Variants in TNS3 observed in about 807,000 individuals in gnomAD.
TNS3 encodes the protein tensin 3, also known as tensin-3.
Under a neutral mutation model 140.9 loss-of-function variants are expected in TNS3, and 45 were observed. That is an observed-to-expected ratio of 0.32 (90% CI 0.25 to 0.41). The LOEUF (loss-of-function observed/expected upper bound fraction) is 0.41, where lower values mean the gene tolerates loss of function less well. TNS3 is among the 10% of genes least tolerant of loss of function. The pLI is 1.00. For synonymous variants in TNS3, 815 were observed against 788.4 expected, an observed-to-expected ratio of 1.03 and a Z score of -0.56; for missense variants, 1,716 against 1,906.7, an observed-to-expected ratio of 0.90 and a Z score of 1.86.
chr7:47,548,108 C>T (rs780292189), intron 1 of TNS3, among the ~76,000 whole-genome samples: 2 of 152,186 alleles, frequency 1.3e-5, no homozygotes, highest in African/African-American at 2.4e-5. Context: ...CCATGTTGGT[C>T]AGGCTGGCCT....
intron 1 of TNS3, among the ~76,000 whole-genome samples, chr7:47,541,568 C>CT (rs1260305261): frequency 6.6e-6 from 1 of 152,116 alleles, no homozygotes; most frequent in African/African-American, 2.4e-5. Flanking sequence ...CTGTAAACAA[C>CT]TTGGAGATCA....
At chr7:47,519,242 C>G (rs1050694777) in intron 2 of TNS3, among the ~76,000 whole-genome samples, 2 of 137,232 alleles carry the variant, frequency 1.5e-5, no homozygotes, top group African/African-American at 5.3e-5. Context: ...ACCTGCCCCC[C>G]ATTTAAGATA....
intron 7 of TNS3, among the ~76,000 whole-genome samples, chr7:47,436,775 C>T (rs1795202842): frequency 6.6e-6 from 1 of 152,026 alleles, no homozygotes; most frequent in Non-Finnish European, 1.5e-5. Flanking sequence ...TTATTCTATA[C>T]ATATATTTGT....
intron 1 of TNS3, among the ~76,000 whole-genome samples, chr7:47,539,942 A>T (rs1799737434): frequency 6.6e-6 from 1 of 152,120 alleles, no homozygotes; most frequent in African/African-American, 2.4e-5. Flanking sequence ...GGGTCTGGGG[A>T]TGCGAAGGGA....
chr7:47,517,255 G>C (rs1798808313), intron 2 of TNS3, among the ~76,000 whole-genome samples: 1 of 152,098 alleles, frequency 6.6e-6, no homozygotes, highest in Non-Finnish European at 1.5e-5. Flanking sequence ...TGTTTTCCTG[G>C]ATGGTCTCCA....
intron 17 of TNS3, among the ~76,000 whole-genome samples, chr7:47,349,788 G>A (rs1789558826): frequency 6.6e-6 from 1 of 152,214 alleles, no homozygotes. Flanking sequence ...TACGTGCTAG[G>A]ATGCACCCAC....
intron 8 of TNS3, among the ~76,000 whole-genome samples, chr7:47,430,924 T>A (rs2151511310): frequency 6.6e-6 from 1 of 152,098 alleles, no homozygotes; most frequent in Non-Finnish European, 1.5e-5. Flanking sequence ...AGTTTTGCCA[T>A]GTTGGCCAGG....
chr7:47,368,718 A>C lies in TNS3; in HGVS notation c.1928T>G (p.Val643Gly). Residue 643 changes from valine (V) to glycine (G), a missense_variant, in exon 17 of 31, where the codon GTC becomes GGC. By Grantham distance (109) the Val-to-Gly change is moderately radical. Around this residue, in one of 3 missense-constraint regions of TNS3, gnomAD observed 1,163 missense variants for 1,182.1 expected, o/e 0.98. Transcript: ENST00000311160. ...TGGCCCACTGCCTACACCCCTCTGG[A>C]CAGCCACCCTACTGCTGGTCCCTCG... ...PTRGTSSRVAVQRGVGSGPHP... is the reference protein window; with the variant it reads ...PTRGTSSRVAGQRGVGSGPHP... 6.3e-7 allele frequency: 1 copy of C among 1,578,428 alleles called. No individual in the cohort carries two copies. The highest frequency in any genetic ancestry group is 8.6e-7 in the Non-Finnish European group (1 of 1,161,814).
chr7:47,381,427 C>T (rs962326931), intron 16 of TNS3, among the ~76,000 whole-genome samples: 5 of 152,196 alleles, frequency 3.3e-5, no homozygotes, highest in Non-Finnish European at 7.3e-5. Flanking sequence ...CGTAGGTGGG[C>T]TTCAGACAGT....
intron 4 of TNS3, among the ~76,000 whole-genome samples, chr7:47,462,692 G>T (rs917922202): frequency 6.6e-6 from 1 of 152,126 alleles, no homozygotes; most frequent in African/African-American, 2.4e-5. Context: ...TGCAGCAAGG[G>T]GAGTGCTAGG....
intron 8 of TNS3, 49 bp downstream of exon 8, chr7:47,435,233 A>G (rs368270926): frequency 8.1e-6 from 13 of 1,607,888 alleles, no homozygotes; most frequent in African/African-American, 1.3e-5. Context: ...CTCAACTCCA[A>G]AGGCTGAAGC....
intron 16 of TNS3, among the ~76,000 whole-genome samples, chr7:47,378,873 T>C (rs925268386): frequency 6.6e-6 from 1 of 152,212 alleles, no homozygotes; most frequent in Non-Finnish European, 1.5e-5. Context: ...AACTGACACA[T>C]GAGCCATGGC....
Position 47,278,049 on chromosome 7 carries a change from G to C in TNS3, c.*27C>G. The C allele has an allele frequency of 6.2e-7, 1 of 1,613,870 alleles. No homozygotes were observed. The highest frequency in any genetic ancestry group is 8.5e-7 in the Non-Finnish European group (1 of 1,179,864). ...TGTCTCCAGGGCTTCGAGAGGCATC[G>C]GTGGGTCCAGGGAGGGAGGGGAGTT... On this transcript the variant is annotated 3_prime_UTR_variant, in exon 31 of 31. Coordinates refer to ENST00000311160, the MANE Select transcript of TNS3 (RefSeq NM_022748.12).
At chr7:47,562,375 C>T (rs1192040226) in intron 1 of TNS3, among the ~76,000 whole-genome samples, 2 of 128,334 alleles carry the variant, frequency 1.6e-5, no homozygotes, top group Non-Finnish European at 3.1e-5. Flanking sequence ...CCTTCAGTCT[C>T]ATCTGCTGCC....
At chr7:47,328,062 C>T (rs1039124998) in intron 20 of TNS3, among the ~76,000 whole-genome samples, 9 of 152,158 alleles carry the variant, frequency 5.9e-5, no homozygotes, top group African/African-American at 2.2e-4. Context: ...GGGCTGTGTC[C>T]CCAGCAGCCC....
chr7:47,454,256 C>T (rs891460425), intron 4 of TNS3, among the ~76,000 whole-genome samples: 5 of 152,210 alleles, frequency 3.3e-5, no homozygotes, highest in African/African-American at 4.8e-5. Flanking sequence ...CTCCACAAGG[C>T]AGCCTGCGCT....
intron 1 of TNS3, among the ~76,000 whole-genome samples, chr7:47,561,653 A>G (rs1800321633): frequency 6.6e-6 from 1 of 152,184 alleles, no homozygotes; most frequent in Admixed American, 6.5e-5. Flanking sequence ...AATTTGCTGA[A>G]TAAGTAAATG....
intron 28 of TNS3, 61 bp from the exon 29 acceptor site, chr7:47,280,415 A>T: frequency 1.3e-6 from 2 of 1,491,602 alleles, no homozygotes. Context: ...GTGATGGGGG[A>T]TGCACTGGGC....
rs1554350879 is a variant in TNS3 at position 47,533,429 on chromosome 7, C to CT, written c.-264-4283dup. Among the ~76,000 whole-genome samples the CT allele has an allele frequency of 8.2e-3, 1,186 of 144,100 alleles. 17 individuals are homozygous for CT. Among genetic ancestry groups the CT allele is most frequent in the African/African-American group, 0.029 (1,122 of 39,036 alleles). 94.5% of individuals were successfully genotyped at this position (144,100 alleles called of 152,430 possible). ...ACAGGTGTGAGCCACCGCACCTGGC[C>CT]TTTTTTTTTTTTTAAAAGACAAAGG... On this transcript the variant is annotated intron_variant, in intron 1 of 30. Coordinates refer to ENST00000311160, the MANE Select transcript of TNS3 (RefSeq NM_022748.12).
Sources: allele counts gnomAD v4.1 joint callset (sites outside exome capture counted in the v4.1 genomes callset), GRCh38; gene constraint gnomAD v4.1.1; regional missense constraint gnomAD v4.1.1; transcripts MANE v1.5; gene names NCBI Gene and HGNC (gene_info 2026-07-23, HGNC 2026-07-21).